The following GRM1 variants were observed in gnomAD, a reference collection of about 807,000 sequenced individuals.
The protein encoded by GRM1 is glutamate metabotropic receptor 1.
In GRM1, 33 loss-of-function variants were observed where a neutral mutation model predicts 90.9. The ratio of observed to expected loss-of-function variants is 0.36; its 90% CI spans 0.28 to 0.49. GRM1 has a LOEUF of 0.49. Among genes scored for constraint, GRM1 ranks in the 20% least tolerant of loss-of-function variants. The pLI is 0.99. For missense variants in GRM1, 1,190 were observed against 1,534.3 expected, an observed-to-expected ratio of 0.78 and a Z score of 3.75; for synonymous variants, 700 against 613.2, an observed-to-expected ratio of 1.14 and a Z score of -2.09.
At chr6:146,257,415 T>G (rs1275719643) in intron 2 of GRM1, among the ~76,000 whole-genome samples, 1 of 152,076 alleles carries the variant, frequency 6.6e-6, no homozygotes, top group Admixed American at 6.6e-5. Flanking sequence ...AAATGAGTAG[T>G]CAGTGTATTA....
intron 1 of GRM1, among the ~76,000 whole-genome samples, chr6:146,068,094 T>C (rs374451525): frequency 3.2e-4 from 49 of 152,016 alleles, no homozygotes; most frequent in African/African-American, 1.1e-3. Flanking sequence ...GTAGATTAAA[T>C]ATCATTGAAC....
chr6:146,037,757 C>T (rs1319180029), intron 1 of GRM1, among the ~76,000 whole-genome samples: 1 of 151,994 alleles, frequency 6.6e-6, no homozygotes, highest in Non-Finnish European at 1.5e-5. Flanking sequence ...CTTTAGCAAC[C>T]CACTTACCCT....
At chr6:146,205,580 T>C (rs1009130571) in intron 2 of GRM1, among the ~76,000 whole-genome samples, 3 of 152,248 alleles carry the variant, frequency 2.0e-5, no homozygotes, top group Non-Finnish European at 4.4e-5. Flanking sequence ...AGTCTGAACC[T>C]GAATTGTTAT....
intron 2 of GRM1, among the ~76,000 whole-genome samples, chr6:146,301,784 C>A (rs1290102028): frequency 6.6e-6 from 1 of 152,058 alleles, no homozygotes; most frequent in African/African-American, 2.4e-5. Context: ...AATATAAATA[C>A]ATTTAAATGT....
intron 1 of GRM1, among the ~76,000 whole-genome samples, chr6:146,042,094 T>TGA (rs1221197285): frequency 2.0e-5 from 3 of 152,046 alleles, no homozygotes; most frequent in Non-Finnish European, 4.4e-5. Flanking sequence ...AATCCATTTT[T>TGA]GAGTGCAGGG....
At chr6:146,084,519 T>C (rs1264878377) in intron 1 of GRM1, among the ~76,000 whole-genome samples, 1 of 152,200 alleles carries the variant, frequency 6.6e-6, no homozygotes, top group Non-Finnish European at 1.5e-5. Context: ...AGGAGCAGGT[T>C]GTTAAATTTC....
intron 3 of GRM1, among the ~76,000 whole-genome samples, chr6:146,333,276 G>T (rs1200833409): frequency 6.6e-6 from 1 of 152,094 alleles, no homozygotes; most frequent in Non-Finnish European, 1.5e-5. Context: ...CCTCATATGG[G>T]TGCAAACAAT....
chr6:146,257,810 T>C (rs1308352249), intron 2 of GRM1, among the ~76,000 whole-genome samples: 1 of 151,950 alleles, frequency 6.6e-6, no homozygotes, highest in East Asian at 1.9e-4. Flanking sequence ...TGGGGAGCAA[T>C]CTGCCTACTG....
intron 2 of GRM1, among the ~76,000 whole-genome samples, chr6:146,194,421 A>G (rs1779046934): frequency 6.6e-6 from 1 of 152,170 alleles, no homozygotes; most frequent in Non-Finnish European, 1.5e-5. Context: ...GTAATGTTAT[A>G]TTTCCTTAAC....
intron 1 of GRM1, among the ~76,000 whole-genome samples, chr6:146,157,851 G>A (rs1410790363): frequency 6.6e-6 from 1 of 152,116 alleles, no homozygotes; most frequent in Non-Finnish European, 1.5e-5. Context: ...CTAGTTTTTG[G>A]TAGACTGTTT....
At chr6:146,424,600 C>G (rs1461054830) in intron 7 of GRM1, among the ~76,000 whole-genome samples, 1 of 152,210 alleles carries the variant, frequency 6.6e-6, no homozygotes, top group Non-Finnish European at 1.5e-5. Context: ...GATTACAGAG[C>G]ACTAAACATC....
chr6:146,287,081 G>T (rs1277503879), intron 2 of GRM1, among the ~76,000 whole-genome samples: 1 of 152,176 alleles, frequency 6.6e-6, no homozygotes, highest in Non-Finnish European at 1.5e-5. Context: ...TTTTGTGGCA[G>T]ATTATTGCTC....
In GRM1 at chr6:146,322,551, A is replaced by G. The variant is rs1784232959; in HGVS notation, c.1186+17705A>G. Reference sequence around the variant, plus strand: ...GGAGATGGGAGTTTTATCTATCAGCACCTGACTGGGGCTGCTGCCTTTCTT... The same window carrying G: ...GGAGATGGGAGTTTTATCTATCAGCGCCTGACTGGGGCTGCTGCCTTTCTT... On this transcript the variant is annotated intron_variant, in intron 3 of 7. Transcript: ENST00000282753. Among the ~76,000 whole-genome samples, 5 of 144,888 alleles carry G rather than the reference A, an allele frequency of 3.5e-5. No homozygotes were observed. In the South Asian group the frequency reaches 1.1e-3, roughly 30 times the overall value.
chr6:146,424,905 A>G (rs778891240), intron 7 of GRM1, among the ~76,000 whole-genome samples: 11 of 152,194 alleles, frequency 7.2e-5, no homozygotes, highest in Non-Finnish European at 1.5e-4. Context: ...TTTATTCCTG[A>G]TCATCTCCTT....
At chr6:146,028,123 G>A (rs571237162), upstream of GRM1, among the ~76,000 whole-genome samples, 1 of 152,256 alleles carries the variant, frequency 6.6e-6, no homozygotes, top group Admixed American at 6.5e-5. Context: ...AGGCGGCTGA[G>A]ATTTGGCGCC....
At chr6:146,433,275 T>G (rs890372884) in intron 7 of GRM1, among the ~76,000 whole-genome samples, 1 of 152,232 alleles carries the variant, frequency 6.6e-6, no homozygotes, top group Non-Finnish European at 1.5e-5. Context: ...AGTCTGAGTT[T>G]TTCTGTCATC....
chr6:146,253,377 G>A (rs1234829935), intron 2 of GRM1, among the ~76,000 whole-genome samples: 3 of 152,134 alleles, frequency 2.0e-5, no homozygotes, highest in Non-Finnish European at 4.4e-5. Context: ...CTGTGAATAT[G>A]TGCGTGTTTT....
At chr6:146,407,892 G>A (rs945925698) in intron 7 of GRM1, among the ~76,000 whole-genome samples, 3 of 152,192 alleles carry the variant, frequency 2.0e-5, no homozygotes, top group Admixed American at 2.0e-4. Context: ...CTCATTGTGT[G>A]CATGAAATGA....
chr6:146,102,888 C>A (rs903839595), intron 1 of GRM1, among the ~76,000 whole-genome samples: 2 of 152,062 alleles, frequency 1.3e-5, no homozygotes, highest in Non-Finnish European at 2.9e-5. Flanking sequence ...TTTGCAATTT[C>A]TTTTTCAATG....
Sources: allele counts gnomAD v4.1 joint callset (sites outside exome capture counted in the v4.1 genomes callset), GRCh38; gene constraint gnomAD v4.1.1; transcripts MANE v1.5; gene names NCBI Gene and HGNC (gene_info 2026-07-23, HGNC 2026-07-21).